The following SMARCAL1 variants were observed in gnomAD, a reference collection of about 807,000 sequenced individuals.
SMARCAL1 encodes SNF2 related chromatin remodeling annealing helicase 1, also known as ATP-driven annealing helicase.
In SMARCAL1, 58 loss-of-function variants were observed where a neutral mutation model predicts 94.5. That is an observed-to-expected ratio of 0.61 (90% CI 0.50 to 0.76). The LOEUF (loss-of-function observed/expected upper bound fraction) is 0.76. SMARCAL1 is among the 30% of genes least tolerant of loss of function. The pLI, the probability that SMARCAL1 is intolerant of heterozygous loss-of-function variation, is 0.00. For synonymous variants in SMARCAL1, 422 were observed against 455.1 expected, an observed-to-expected ratio of 0.93 and a Z score of 0.93; for missense variants, 1,051 against 1,177.9, an observed-to-expected ratio of 0.89 and a Z score of 1.58.
chr2:216,442,978 G>C (rs77719634), intron 10 of SMARCAL1, among the ~76,000 whole-genome samples: 2,304 of 152,102 alleles, frequency 0.015, 59 homozygotes, highest in African/African-American at 0.053. Context: ...CCTGAGGTCC[G>C]GCCATTCTCA....
In SMARCAL1 at chr2:216,415,387, C is replaced by G; in HGVS notation, c.683C>G (p.Ser228Cys). 3.1e-6 allele frequency: 5 copies of G among 1,614,190 alleles called. No homozygotes were observed. Among genetic ancestry groups the G allele is most frequent in the Non-Finnish European group, 4.2e-6 (5 of 1,180,020 alleles). Residue 228 changes from serine to cysteine, a missense_variant, in exon 3 of 18, where the codon TCC becomes TGC. Physicochemically the swap from Ser to Cys is moderately radical, Grantham distance 112. Coordinates refer to ENST00000357276, the MANE Select transcript of SMARCAL1 (RefSeq NM_014140.4). ...GGAAGACTCCAGCAGAAGTCAGGGT[C>G]CTCAGTCCAAAAAGGAGTGAACTCT... ...TEGRLQQKSG[S>C]SVQKGVNSQK...
At chr2:216,438,340 C>T in intron 9 of SMARCAL1, 80 bp from the exon 10 acceptor site, 1 of 1,234,792 alleles carries the variant, frequency 8.1e-7, no homozygotes, top group Non-Finnish European at 1.2e-6. Context: ...CTTGCCATGC[C>T]AGGGTCAAGC....
intron 9 of SMARCAL1, 120 bp downstream of exon 9, chr2:216,435,616 A>C: frequency 1.1e-6 from 1 of 888,798 alleles, no homozygotes; most frequent in South Asian, 1.4e-5. Flanking sequence ...AGAAGAATAG[A>C]AATCACTGTC....
chr2:216,428,551 T>C (rs762142556), intron 6 of SMARCAL1, 45 bp from the exon 7 acceptor site: 1 of 1,583,054 alleles, frequency 6.3e-7, no homozygotes, highest in South Asian at 1.1e-5. Flanking sequence ...CCAAATCTTT[T>C]GGGCATGAAC....
intron 10 of SMARCAL1, among the ~76,000 whole-genome samples, chr2:216,438,882 A>G (rs754286057): frequency 7.9e-5 from 12 of 152,214 alleles, no homozygotes; most frequent in Non-Finnish European, 1.6e-4. Flanking sequence ...GTAGTGGCAA[A>G]GCTGCCTAGA....
intron 5 of SMARCAL1, among the ~76,000 whole-genome samples, chr2:216,422,946 A>G (rs1283101627): frequency 6.6e-6 from 1 of 152,262 alleles, no homozygotes; most frequent in East Asian, 1.9e-4. Context: ...AATCCCACTA[A>G]CAATAATTCA....
chr2:216,427,847 A>C (rs1693869815), intron 6 of SMARCAL1, among the ~76,000 whole-genome samples: 1 of 152,224 alleles, frequency 6.6e-6, no homozygotes, highest in Non-Finnish European at 1.5e-5. Context: ...GGGTATTCAG[A>C]AAACATATGA....
intron 8 of SMARCAL1, among the ~76,000 whole-genome samples, chr2:216,434,309 G>A (rs1405598948): frequency 6.6e-6 from 1 of 152,146 alleles, no homozygotes; most frequent in African/African-American, 2.4e-5. Flanking sequence ...GGGTGGGTTT[G>A]GCTAGAGATG....
In SMARCAL1 at chr2:216,414,657, C is replaced by A. The variant is rs576450027; in HGVS notation, c.-48C>A. On this transcript the variant is annotated 5_prime_UTR_variant, in exon 3 of 18. Transcript: ENST00000357276. ...TACTTTCTTCCACAGCTTTTGCCAACTTTCCAATTAAAGGTTGACATTCCT... is the reference window on the plus strand; with the variant it reads ...TACTTTCTTCCACAGCTTTTGCCAAATTTCCAATTAAAGGTTGACATTCCT... 92 of 1,555,294 alleles carry A rather than the reference C, an allele frequency of 5.9e-5. No homozygotes were observed. The East Asian group carries it at 1.9e-3, about 32-fold the overall frequency.
chr2:216,464,518 A>G, intron 12 of SMARCAL1, 79 bp from the exon 13 acceptor site: 1 of 1,025,460 alleles, frequency 9.8e-7, no homozygotes, highest in Non-Finnish European at 1.6e-6. Flanking sequence ...TGTAAAGCGC[A>G]TAGGAGCAAT....
At chr2:216,446,116 C>CTT (rs999032883) in intron 10 of SMARCAL1, among the ~76,000 whole-genome samples, 2 of 148,462 alleles carry the variant, frequency 1.3e-5, no homozygotes, top group African/African-American at 4.9e-5. Flanking sequence ...GGAAGAGTCT[C>CTT]TTTTTTTTTT....
chr2:216,416,824 C>G (rs1414655943), intron 4 of SMARCAL1, among the ~76,000 whole-genome samples: 2 of 152,202 alleles, frequency 1.3e-5, no homozygotes, highest in Admixed American at 6.5e-5. Flanking sequence ...CTCTGTGCAG[C>G]TAACTACTCA....
intron 9 of SMARCAL1, among the ~76,000 whole-genome samples, chr2:216,436,720 G>C (rs1468308813): frequency 6.6e-6 from 1 of 152,230 alleles, no homozygotes; most frequent in Admixed American, 6.5e-5. Context: ...TCTACAGTGT[G>C]TGGGAAGAAT....
At chr2:216,451,180 C>T (rs958014758) in intron 12 of SMARCAL1, 116 bp downstream of exon 12, 8 of 861,228 alleles carry the variant, frequency 9.3e-6, no homozygotes, top group Non-Finnish European at 1.3e-5. Context: ...TAACCTTTTC[C>T]CTCTTCCCTA....
At chr2:216,476,854 C>T (rs966738029) in intron 15 of SMARCAL1, among the ~76,000 whole-genome samples, 5 of 152,238 alleles carry the variant, frequency 3.3e-5, no homozygotes, top group Non-Finnish European at 5.9e-5. Flanking sequence ...TGAACAGCCA[C>T]CTGCAGATCT....
intron 5 of SMARCAL1, 38 bp from the exon 6 acceptor site, chr2:216,423,595 G>A (rs1693770465): frequency 6.5e-7 from 1 of 1,549,842 alleles, no homozygotes; most frequent in East Asian, 2.2e-5. Flanking sequence ...CAGAAGGGCA[G>A]GGTGTCCTAT....
intron 6 of SMARCAL1, among the ~76,000 whole-genome samples, chr2:216,426,129 T>C (rs900171399): frequency 5.9e-5 from 9 of 152,248 alleles, no homozygotes; most frequent in Admixed American, 5.9e-4. Context: ...CCCAAAGTGC[T>C]GGGATTACAG....
chr2:216,471,687 AT>A (rs915530911), intron 14 of SMARCAL1, among the ~76,000 whole-genome samples: 5 of 152,200 alleles, frequency 3.3e-5, no homozygotes, highest in African/African-American at 9.6e-5. Context: ...ACATTTGTAC[AT>A]TTTTGGAGGG....
chr2:216,430,216 T>C (rs1693934348), intron 7 of SMARCAL1, among the ~76,000 whole-genome samples: 1 of 152,130 alleles, frequency 6.6e-6, no homozygotes, highest in Admixed American at 6.5e-5. Context: ...CTAAATAAAC[T>C]CAGATTTTAA....
Sources: allele counts gnomAD v4.1 joint callset (sites outside exome capture counted in the v4.1 genomes callset), GRCh38; gene constraint gnomAD v4.1.1; transcripts MANE v1.5; gene names NCBI Gene and HGNC (gene_info 2026-07-23, HGNC 2026-07-21).